The following IGSF21 variants were observed in gnomAD, a reference collection of about 807,000 sequenced individuals.
IGSF21 encodes the protein immunoglobulin superfamily member 21.
IGSF21 carries 28 observed loss-of-function variants against 46.8 expected under a neutral mutation model. The ratio of observed to expected loss-of-function variants is 0.60; its 90% CI spans 0.44 to 0.82. IGSF21 has a LOEUF of 0.82. Ranked by LOEUF, IGSF21 falls within the 40% of genes least tolerant of loss-of-function variation. IGSF21 has a pLI of 0.00. For synonymous variants in IGSF21, 284 were observed against 273.6 expected (o/e 1.04, Z -0.38); for missense variants, 624 against 665.5 (o/e 0.94, Z 0.69).
chr1:18,246,225 C>T (rs1037674427), intron 2 of IGSF21, among the ~76,000 whole-genome samples: 1 of 152,092 alleles, frequency 6.6e-6, no homozygotes, highest in Non-Finnish European at 1.5e-5. Context: ...CCTCTTGCTT[C>T]CTGGGTGAAT....
rs545711607 is a variant in IGSF21 at position 18,109,161 on chromosome 1, T to G, written c.70+963T>G. On this transcript the variant is annotated intron_variant, in intron 1 of 9. Transcript: ENST00000251296. The surrounding 1 kb of genome is among the most constrained non-coding windows in gnomAD (Gnocchi z 4.8). ...CCACCCAGTGCCGCCGCGTAGTGGG[T>G]CTTAAATGGAGCTGAACCCTTTCGC... 6.6e-6 allele frequency among the ~76,000 whole-genome samples: 1 copy of G among 151,284 alleles called. No individual in the cohort carries two copies. The highest frequency in any genetic ancestry group is 1.5e-5 in the Non-Finnish European group (1 of 67,754).
chr1:18,273,039 CT>C (rs760448516), intron 2 of IGSF21, among the ~76,000 whole-genome samples: 3,768 of 80,604 alleles, frequency 0.047, 190 homozygotes, highest in African/African-American at 0.15. Flanking sequence ...CCAGACGGAT[CT>C]TTTTTTTTTT....
chr1:18,285,885 C>G (rs1005391001), intron 2 of IGSF21, among the ~76,000 whole-genome samples: 1 of 152,182 alleles, frequency 6.6e-6, no homozygotes, highest in African/African-American at 2.4e-5. Flanking sequence ...TGTATGCCAG[C>G]TATTGTTATT....
At chr1:18,356,209 C>G (rs1164284143) in intron 4 of IGSF21, among the ~76,000 whole-genome samples, 1 of 152,202 alleles carries the variant, frequency 6.6e-6, no homozygotes, top group Non-Finnish European at 1.5e-5. Context: ...TGCTTGGTGT[C>G]TCTTCACCTT....
intron 2 of IGSF21, among the ~76,000 whole-genome samples, chr1:18,267,696 G>A (rs975225715): frequency 2.6e-5 from 4 of 152,222 alleles, no homozygotes; most frequent in African/African-American, 9.6e-5. Flanking sequence ...CCTAGGTGGA[G>A]GCTGCTTTCC....
At chr1:18,155,739 G>A (rs900393921) in intron 1 of IGSF21, among the ~76,000 whole-genome samples, 1 of 152,240 alleles carries the variant, frequency 6.6e-6, no homozygotes, top group Non-Finnish European at 1.5e-5. Flanking sequence ...GTGTTGAGGG[G>A]AGCCGGGAAG....
At chr1:18,220,183 G>C (rs745746202) in intron 1 of IGSF21, among the ~76,000 whole-genome samples, 10 of 152,188 alleles carry the variant, frequency 6.6e-5, no homozygotes, top group Non-Finnish European at 1.2e-4. Flanking sequence ...CCACCGTGCT[G>C]TCTGCTGACG....
rs565581502 is a variant in IGSF21 at position 18,205,453 on chromosome 1, A to G, written c.71-22445A>G. Reference sequence around the variant, plus strand: ...CCTGTTTGTACAGGACACGTTTGTCATCCGGTGTTTCCTTGACTCCCTCTT... The same window carrying G: ...CCTGTTTGTACAGGACACGTTTGTCGTCCGGTGTTTCCTTGACTCCCTCTT... On this transcript the variant is annotated intron_variant, in intron 1 of 9. Coordinates refer to ENST00000251296, the MANE Select transcript of IGSF21 (RefSeq NM_032880.5). 2.0e-5 allele frequency among the ~76,000 whole-genome samples: 3 copies of G among 152,278 alleles called. No homozygotes were observed. In the East Asian group the frequency reaches 5.8e-4, roughly 29 times the overall value.
rs1012964600 is a variant in IGSF21, at chr1:18,290,279, C to T, written c.184-1587C>T. On this transcript the variant is annotated intron_variant, in intron 2 of 9. Coordinates refer to ENST00000251296, the MANE Select transcript of IGSF21 (RefSeq NM_032880.5). The surrounding 1 kb of genome is among the most constrained non-coding windows in gnomAD (Gnocchi z 4.2). ...GTGGGAGGAAGTGGTCCTCTGTCTC[C>T]CCTCTGCACATGGTCAGAAAGCGCC... 2.0e-5 allele frequency among the ~76,000 whole-genome samples: 3 copies of T among 152,166 alleles called. No individual in the cohort carries two copies.
chr1:18,130,973 C>T (rs1458556042), intron 1 of IGSF21, among the ~76,000 whole-genome samples: 4 of 152,230 alleles, frequency 2.6e-5, no homozygotes, highest in Non-Finnish European at 4.4e-5. Flanking sequence ...CTGACAGCCT[C>T]GGGCCGGCTG....
intron 1 of IGSF21, among the ~76,000 whole-genome samples, chr1:18,170,632 G>C (rs1570295026): frequency 6.6e-6 from 1 of 152,126 alleles, no homozygotes; most frequent in East Asian, 1.9e-4. Context: ...GTAAAGCACA[G>C]AGAGGTTAAG....
At chr1:18,273,786 C>T (rs1047615100) in intron 2 of IGSF21, among the ~76,000 whole-genome samples, 6 of 151,906 alleles carry the variant, frequency 3.9e-5, no homozygotes, top group Admixed American at 2.0e-4. Flanking sequence ...TAAACCAGGC[C>T]TCCTGCAGAC....
intron 4 of IGSF21, among the ~76,000 whole-genome samples, chr1:18,341,694 A>G (rs1170222771): frequency 6.6e-6 from 1 of 152,214 alleles, no homozygotes; most frequent in Admixed American, 6.5e-5. Flanking sequence ...AGTGTGTGGC[A>G]GGGCAGGGGT....
chr1:18,140,255 G>C (rs2086403440), intron 1 of IGSF21, among the ~76,000 whole-genome samples: 1 of 152,200 alleles, frequency 6.6e-6, no homozygotes, highest in African/African-American at 2.4e-5. Flanking sequence ...TTGATACTTG[G>C]AGGTGTATCT....
At chr1:18,286,105 C>T (rs1474345132) in intron 2 of IGSF21, among the ~76,000 whole-genome samples, 1 of 152,152 alleles carries the variant, frequency 6.6e-6, no homozygotes, top group Non-Finnish European at 1.5e-5. Context: ...GCTGTGTGAC[C>T]CCAAAAGCCT....
chr1:18,349,407 T>C (rs955050864), intron 4 of IGSF21, among the ~76,000 whole-genome samples: 2 of 150,762 alleles, frequency 1.3e-5, no homozygotes, highest in Admixed American at 1.3e-4. Flanking sequence ...AAGGAGGGAG[T>C]CCTTCCTCCA....
intron 1 of IGSF21, among the ~76,000 whole-genome samples, chr1:18,141,018 A>G (rs1159262714): frequency 6.6e-6 from 1 of 152,104 alleles, no homozygotes; most frequent in African/African-American, 2.4e-5. Context: ...CTTAGCATCC[A>G]TCTGAGGAGA....
intron 1 of IGSF21, among the ~76,000 whole-genome samples, chr1:18,121,756 A>G (rs1169593099): frequency 6.6e-6 from 1 of 151,736 alleles, no homozygotes; most frequent in Non-Finnish European, 1.5e-5. Flanking sequence ...CCTAAGGGGG[A>G]CAAATATGCC....
At position 18,376,908 on chromosome 1, in the gene IGSF21, G is replaced by C; in HGVS notation, c.1210G>C (p.Ala404Pro). Residue 404 changes from alanine to proline, a missense_variant, in exon 8 of 10, where the codon GCC (alanine) becomes CCC (proline). By Grantham distance (27) the Ala-to-Pro change is conservative. Transcript: ENST00000251296. ...GKELVLERVP[A>P]ELNGSMYRCT... is the part of the protein sequence containing the mutation. ...GGAGCTGGTGCTGGAGCGGGTTCCC[G>C]CCGAGCTCAATGGCTCCATGTATCG... 6.2e-7 allele frequency: 1 copy of C among 1,612,852 alleles called. No individual in the cohort carries two copies. Among genetic ancestry groups the C allele is most frequent in the Non-Finnish European group, 8.5e-7 (1 of 1,178,948 alleles).
Sources: gnomAD v4.1 joint callset for allele counts (sites outside exome capture counted in the v4.1 genomes callset) on GRCh38, gnomAD v4.1.1 for gene constraint, Gnocchi (gnomAD v3.1) non-coding constraint, MANE v1.5 for transcripts, NCBI Gene and HGNC (gene_info 2026-07-23, HGNC 2026-07-21) for gene names.